GALNT11: variants seen among roughly 807,000 people sequenced by gnomAD.
The protein encoded by GALNT11 is polypeptide N-acetylgalactosaminyltransferase 11.
GALNT11 carries 47 observed loss-of-function variants against 72.7 expected under a neutral mutation model. The observed-to-expected ratio is 0.65, with a 90% confidence interval of 0.51 to 0.82. The LOEUF (loss-of-function observed/expected upper bound fraction) is 0.82, where lower values mean the gene tolerates loss of function less well. Among genes scored for constraint, GALNT11 ranks in the 40% least tolerant of loss-of-function variants. The pLI is 0.00. For synonymous variants in GALNT11, 270 were observed against 286.6 expected (o/e 0.94, Z 0.58); for missense variants, 677 against 778.4 (o/e 0.87, Z 1.55).
intron 1 of GALNT11, among the ~76,000 whole-genome samples, chr7:152,055,195 G>A (rs2083600554): frequency 6.6e-6 from 1 of 152,104 alleles, no homozygotes; most frequent in Non-Finnish European, 1.5e-5. Context: ...GACTCTATCT[G>A]TAAATACAGT....
intron 1 of GALNT11, among the ~76,000 whole-genome samples, chr7:152,055,965 C>T (rs1295361100): frequency 6.6e-6 from 1 of 152,124 alleles, no homozygotes; most frequent in Non-Finnish European, 1.5e-5. Context: ...TGACGTCCTA[C>T]ACCCATCTTC....
At chr7:152,057,212 A>G (rs1443971173) in intron 1 of GALNT11, among the ~76,000 whole-genome samples, 1 of 150,736 alleles carries the variant, frequency 6.6e-6, no homozygotes, top group Non-Finnish European at 1.5e-5. Flanking sequence ...TGAAGAAAGT[A>G]ATAGATTTTA....
At chr7:152,035,251 C>T (rs1168049311) in intron 1 of GALNT11, among the ~76,000 whole-genome samples, 1 of 152,104 alleles carries the variant, frequency 6.6e-6, no homozygotes, top group East Asian at 1.9e-4. Context: ...AATTGGTGAG[C>T]CCGGGTGCCT....
intron 1 of GALNT11, chr7:152,093,878 C>A: frequency 5.1e-6 from 1 of 195,254 alleles, no homozygotes. Flanking sequence ...AAAATTATAA[C>A]CTGATGAGAA....
Position 152,117,290 on chromosome 7 carries a change from A to G in GALNT11, c.1367A>G (p.Gln456Arg). ...WYLDNVYPEM[Q>R]ISGSHAKPQQ... ...TTGGATAATGTATACCCAGAGATGC[A>G]GATATCTGGGTCCCACGCCAAACCC... Residue 456 changes from glutamine to arginine, a missense_variant, in exon 9 of 12, where the codon CAG becomes CGG. Coordinates refer to ENST00000430044, the MANE Select transcript of GALNT11 (RefSeq NM_022087.4). 1 of 1,614,238 alleles carries G rather than the reference A, an allele frequency of 6.2e-7. No homozygotes were observed.
chr7:152,070,534 G>A (rs900967525), intron 1 of GALNT11, among the ~76,000 whole-genome samples: 4 of 152,062 alleles, frequency 2.6e-5, no homozygotes, highest in African/African-American at 9.7e-5. Context: ...CTTGGCTTGT[G>A]GCCCTTTTCT....
At chr7:152,091,148 G>A (rs1411412095) in intron 1 of GALNT11, among the ~76,000 whole-genome samples, 1 of 151,358 alleles carries the variant, frequency 6.6e-6, no homozygotes, top group African/African-American at 2.4e-5. Context: ...CCGGGTTCAA[G>A]CAATTTCTCC....
At chr7:152,051,206 T>C (rs1042971869) in intron 1 of GALNT11, among the ~76,000 whole-genome samples, 5 of 146,434 alleles carry the variant, frequency 3.4e-5, no homozygotes, top group Non-Finnish European at 7.5e-5. Flanking sequence ...GTTGTTTTTT[T>C]TTTTTTTTTT....
At chr7:152,117,493 T>G (rs190015259) in intron 9 of GALNT11, 118 bp downstream of exon 9, 48 of 962,354 alleles carry the variant, frequency 5.0e-5, no homozygotes, top group Non-Finnish European at 7.0e-5. Flanking sequence ...ATGACAGGCT[T>G]CAGCTTGCCT....
chr7:152,049,588 C>A (rs1320976569), intron 1 of GALNT11, among the ~76,000 whole-genome samples: 1 of 152,208 alleles, frequency 6.6e-6, no homozygotes, highest in Non-Finnish European at 1.5e-5. Context: ...GAAGCCAGCA[C>A]AACACCAGGT....
intron 1 of GALNT11, among the ~76,000 whole-genome samples, chr7:152,040,891 A>T (rs530662188): frequency 1.3e-5 from 2 of 152,246 alleles, no homozygotes; most frequent in African/African-American, 2.4e-5. Flanking sequence ...AGCACCTTCA[A>T]TTGGTTTAAA....
At chr7:152,042,520 A>G (rs996182719) in intron 1 of GALNT11, among the ~76,000 whole-genome samples, 8 of 152,170 alleles carry the variant, frequency 5.3e-5, no homozygotes, top group African/African-American at 1.7e-4. Flanking sequence ...TCTGTTAACC[A>G]TTTTAAAGGT....
At chr7:152,116,848 G>C in intron 8 of GALNT11, 1 of 513,162 alleles carries the variant, frequency 1.9e-6, no homozygotes, top group Non-Finnish European at 3.7e-6. Context: ...TTATTTTAAG[G>C]AATTAATAAT....
At chr7:152,030,250 C>T (rs148253673) in intron 1 of GALNT11, among the ~76,000 whole-genome samples, 20 of 152,144 alleles carry the variant, frequency 1.3e-4, no homozygotes, top group Admixed American at 3.9e-4. Context: ...CTGATGCTAC[C>T]GCTAGATCAC....
intron 1 of GALNT11, among the ~76,000 whole-genome samples, chr7:152,069,529 TGTA>T (rs1240173044): frequency 1.3e-5 from 2 of 152,208 alleles, no homozygotes; most frequent in Admixed American, 6.5e-5. Flanking sequence ...AGTCTCCAAC[TGTA>T]GTAGTGGATT....
At chr7:152,079,345 A>C (rs1306097059) in intron 1 of GALNT11, 1 of 152,264 alleles carries the variant, frequency 6.6e-6, no homozygotes, top group African/African-American at 2.4e-5. Context: ...AGTGTTGAAG[A>C]ATAACAGCCT....
intron 10 of GALNT11, chr7:152,120,488 G>GTCAGCC: frequency 4.6e-6 from 1 of 218,266 alleles, no homozygotes; most frequent in Non-Finnish European, 9.1e-6. Flanking sequence ...TCTCCAGAGG[G>GTCAGCC]TCAGCCAGAG....
intron 1 of GALNT11, among the ~76,000 whole-genome samples, chr7:152,051,018 T>TGA (rs760117774): frequency 2.6e-5 from 4 of 152,176 alleles, no homozygotes; most frequent in Middle Eastern, 3.2e-3. Context: ...ATTCACGACT[T>TGA]TATCCTCTTC....
chr7:152,080,686 G>A (rs1170499075), intron 1 of GALNT11, among the ~76,000 whole-genome samples: 1 of 152,110 alleles, frequency 6.6e-6, no homozygotes, highest in African/African-American at 2.4e-5. Context: ...TGCGGGCCAG[G>A]TACAGTGGCT....
Sources: gnomAD v4.1 joint callset for allele counts (sites outside exome capture counted in the v4.1 genomes callset) on GRCh38, gnomAD v4.1.1 for gene constraint, MANE v1.5 for transcripts, NCBI Gene and HGNC (gene_info 2026-07-23, HGNC 2026-07-21) for gene names.